SGK3: variants seen among roughly 807,000 people sequenced by gnomAD.
The protein encoded by SGK3 is serum/glucocorticoid regulated kinase family member 3.
Under a neutral mutation model 68.5 loss-of-function variants are expected in SGK3, and 47 were observed. The observed-to-expected ratio is 0.69, with a 90% CI of 0.54 to 0.87. SGK3 has a LOEUF of 0.87. Among genes scored for constraint, SGK3 ranks in the 40% least tolerant of loss-of-function variants. The probability of loss-of-function intolerance (pLI) is 0.00; values close to 1 mark genes in which losing one functional copy is unlikely to be tolerated. For missense variants in SGK3, 479 were observed against 575.5 expected (o/e 0.83, Z 1.72); for synonymous variants, 181 against 189.1 (o/e 0.96, Z 0.35).
At chr8:66,746,319 G>A (rs949813751) in intron 1 of SGK3, among the ~76,000 whole-genome samples, 1 of 152,090 alleles carries the variant, frequency 6.6e-6, no homozygotes, top group African/African-American at 2.4e-5. Context: ...GTTTTGAGGG[G>A]AATTCTGAGA....
At chr8:66,752,693 T>A (rs561732094) in intron 1 of SGK3, among the ~76,000 whole-genome samples, 223 of 151,352 alleles carry the variant, frequency 1.5e-3, no homozygotes, top group African/African-American at 4.9e-3. Flanking sequence ...GAAGAGGAAG[T>A]AGCTAAAGGG....
chr8:66,813,389 T>A (rs2130642327), intron 4 of SGK3, among the ~76,000 whole-genome samples: 1 of 152,306 alleles, frequency 6.6e-6, no homozygotes, highest in East Asian at 1.9e-4. Flanking sequence ...TTGGCGATAT[T>A]CAGTTAACCA....
intron 1 of SGK3, among the ~76,000 whole-genome samples, chr8:66,725,780 T>G (rs1804969492): frequency 6.6e-6 from 1 of 152,152 alleles, no homozygotes; most frequent in African/African-American, 2.4e-5. Context: ...TAGGAAATTC[T>G]CATACTGCAA....
chr8:66,724,867 G>A (rs1585633134), intron 1 of SGK3, among the ~76,000 whole-genome samples: 2 of 152,268 alleles, frequency 1.3e-5, no homozygotes, highest in African/African-American at 4.8e-5. Flanking sequence ...CAAGGCAGGT[G>A]GATCACCTGA....
In SGK3 at chr8:66,779,618, A is replaced by G. The variant is rs565059960; in HGVS notation, c.-121-13998A>G. On this transcript the variant is annotated intron_variant, in intron 1 of 16. Coordinates refer to ENST00000521198, the MANE Select transcript of SGK3 (RefSeq NM_001033578.3). ...TATATATATAAAACACATTTTTTAT[A>G]TATATACGTTTTATACATATACACA... Among the ~76,000 whole-genome samples the G allele has an allele frequency of 2.7e-4, 39 of 143,756 alleles. No homozygotes were observed. In the South Asian group the frequency reaches 8.2e-3, roughly 30 times the overall value. 94.3% of individuals were successfully genotyped at this position (143,756 alleles called of 152,430 possible).
At chr8:66,811,787 C>T (rs1048368445) in intron 4 of SGK3, among the ~76,000 whole-genome samples, 2 of 152,128 alleles carry the variant, frequency 1.3e-5, no homozygotes, top group Middle Eastern at 3.2e-3. Context: ...TTTGAATATC[C>T]TAAATGTAGT....
intron 1 of SGK3, among the ~76,000 whole-genome samples, chr8:66,750,961 C>G (rs1470230508): frequency 6.6e-6 from 1 of 150,982 alleles, no homozygotes. Flanking sequence ...GAGCCAAGAT[C>G]GCGCCACTGC....
At chr8:66,787,469 C>G (rs7001886) in intron 1 of SGK3, among the ~76,000 whole-genome samples, 3,207 of 152,276 alleles carry the variant, frequency 0.021, 116 homozygotes, top group African/African-American at 0.071. Flanking sequence ...TCTAATCCCC[C>G]CTGTGGGATG....
At chr8:66,746,851 A>G (rs1406512192) in intron 1 of SGK3, among the ~76,000 whole-genome samples, 2 of 152,146 alleles carry the variant, frequency 1.3e-5, no homozygotes, top group East Asian at 3.9e-4. Context: ...GTAAGCCATC[A>G]TGTGGGCCTA....
At chr8:66,798,688 GA>G (rs1336438820) in intron 3 of SGK3, 63 bp downstream of exon 3, 1 of 1,408,278 alleles carries the variant, frequency 7.1e-7, no homozygotes, top group African/African-American at 1.4e-5. Flanking sequence ...CAAAATAAGA[GA>G]GATGTATTTG....
At chr8:66,852,377 G>A (rs947759800) in intron 16 of SGK3, among the ~76,000 whole-genome samples, 1 of 148,898 alleles carries the variant, frequency 6.7e-6, no homozygotes, top group African/African-American at 2.5e-5. Flanking sequence ...CGCCTCCCTG[G>A]TTCAGGAGAT....
chr8:66,806,434 C>T (rs1383076046), intron 4 of SGK3, among the ~76,000 whole-genome samples: 1 of 152,124 alleles, frequency 6.6e-6, no homozygotes, highest in Non-Finnish European at 1.5e-5. Flanking sequence ...ATTGAGTTGG[C>T]ACAACAAAGC....
chr8:66,754,511 T>C (rs1222772886), intron 1 of SGK3, among the ~76,000 whole-genome samples: 1 of 152,218 alleles, frequency 6.6e-6, no homozygotes, highest in Non-Finnish European at 1.5e-5. Flanking sequence ...GTGTTTTGGA[T>C]TTCGGGTATT....
intron 6 of SGK3, 30 bp from the exon 7 acceptor site, chr8:66,828,624 A>T (rs1809165538): frequency 6.2e-7 from 1 of 1,613,370 alleles, no homozygotes; most frequent in Non-Finnish European, 8.5e-7. Flanking sequence ...CTCCAATAAG[A>T]ATGTTGTTTT....
chr8:66,821,680 T>TA (rs1456561837), intron 5 of SGK3, among the ~76,000 whole-genome samples: 2 of 137,800 alleles, frequency 1.5e-5, no homozygotes, highest in Non-Finnish European at 3.1e-5. Flanking sequence ...GCCCGGCTAT[T>TA]TTTTTTTTTT....
Position 66,741,505 on chromosome 8 carries a change from G to A in SGK3, c.-122+28672G>A, listed in dbSNP as rs138188208. Among the ~76,000 whole-genome samples the A allele has an allele frequency of 2.6e-3, 393 of 151,990 alleles. 5 individuals carry two copies. Among genetic ancestry groups the A allele is most frequent in the African/African-American group, 8.9e-3 (370 of 41,454 alleles). On this transcript the variant is annotated intron_variant, in intron 1 of 16. Coordinates refer to ENST00000521198, the MANE Select transcript of SGK3 (RefSeq NM_001033578.3). ...GTGGAGGTTGCAGTGAGCTGAGATC[G>A]CACCGCTGCACTCCAGCCTGGACGA...
At chr8:66,801,657 TTC>T (rs145435219) in intron 3 of SGK3, among the ~76,000 whole-genome samples, 6 of 151,430 alleles carry the variant, frequency 4.0e-5, no homozygotes, top group Non-Finnish European at 5.9e-5. Flanking sequence ...CCCTCTCTCT[TTC>T]TCTCTCTCTC....
At chr8:66,745,157 C>G (rs1314935117) in intron 1 of SGK3, among the ~76,000 whole-genome samples, 1 of 151,692 alleles carries the variant, frequency 6.6e-6, no homozygotes, top group East Asian at 1.9e-4. Context: ...TTTATTTATT[C>G]TAGTTTTTTT....
At chr8:66,824,220 T>A (rs947417540) in intron 6 of SGK3, among the ~76,000 whole-genome samples, 2 of 152,074 alleles carry the variant, frequency 1.3e-5, no homozygotes, top group Non-Finnish European at 2.9e-5. Flanking sequence ...CTGTAGCTGG[T>A]CAAAAGAGAA....
Sources: gnomAD v4.1 joint callset for allele counts (sites outside exome capture counted in the v4.1 genomes callset) on GRCh38, gnomAD v4.1.1 for gene constraint, MANE v1.5 for transcripts, NCBI Gene and HGNC (gene_info 2026-07-23, HGNC 2026-07-21) for gene names.